Variants in TRPC1 observed in about 807,000 individuals in gnomAD.
TRPC1 encodes transient receptor potential cation channel subfamily C member 1, also known as short transient receptor potential channel 1.
Under a neutral mutation model 88.2 loss-of-function variants are expected in TRPC1, and 42 were observed. The ratio of observed to expected loss-of-function variants is 0.48; its 90% confidence interval spans 0.37 to 0.62. The LOEUF (loss-of-function observed/expected upper bound fraction) is 0.62, where lower values mean the gene tolerates loss of function less well. TRPC1 is among the 20% of genes least tolerant of loss of function. The pLI is 0.00. For missense variants in TRPC1, 699 were observed against 957.3 expected (o/e 0.73, Z 3.56); for synonymous variants, 288 against 331.8 (o/e 0.87, Z 1.43).
chr3:142,738,802 A>G (rs1934236492), intron 2 of TRPC1, among the ~76,000 whole-genome samples: 1 of 152,092 alleles, frequency 6.6e-6, no homozygotes, highest in Non-Finnish European at 1.5e-5. Context: ...GAAAGATTTC[A>G]TTGGAAAAGT....
chr3:142,726,710 C>G (rs71304147), intron 1 of TRPC1, among the ~76,000 whole-genome samples: 1 of 152,198 alleles, frequency 6.6e-6, no homozygotes, highest in Non-Finnish European at 1.5e-5. Context: ...TGTTTGTATT[C>G]GCTAATATTG....
At chr3:142,769,795 C>A (rs1396508450) in intron 4 of TRPC1, among the ~76,000 whole-genome samples, 1 of 152,012 alleles carries the variant, frequency 6.6e-6, no homozygotes, top group Non-Finnish European at 1.5e-5. Context: ...TATGGCATAG[C>A]ATATGGTCTA....
chr3:142,737,722 T>C (rs1254628713), intron 2 of TRPC1, among the ~76,000 whole-genome samples: 1 of 152,172 alleles, frequency 6.6e-6, no homozygotes, highest in Non-Finnish European at 1.5e-5. Context: ...ACACATGTGA[T>C]CTCTGAGGGA....
chr3:142,770,120 CAG>C, intron 4 of TRPC1, among the ~76,000 whole-genome samples: 1 of 103,996 alleles, frequency 9.6e-6, no homozygotes, highest in South Asian at 3.4e-4. Flanking sequence ...TTTTTTGAGA[CAG>C]AGTCTCACTC....
rs1356297025 is a variant in TRPC1 at position 142,802,352 on chromosome 3, T to C, written c.1757+8T>C. On this transcript the variant is annotated splice_region_variant and intron_variant, in intron 10 of 12. Coordinates refer to ENST00000476941, the MANE Select transcript of TRPC1 (RefSeq NM_001251845.2). ...CAATGATACCTTCCATTCGTGAGTA[T>C]CTTTTAAATGTTTTAGTAAATATAT... The C allele has an allele frequency of 7.2e-7, 1 of 1,384,610 alleles. No individual in the cohort carries two copies. Among genetic ancestry groups the C allele is most frequent in the Non-Finnish European group, 9.4e-7 (1 of 1,063,662 alleles). The allele number at this position is 1,384,610 out of a possible 1,614,324, so 85.8% of individuals were successfully genotyped here. A position where few individuals can be genotyped will look rare whatever the true frequency, so the allele number is the denominator to read the frequency against.
chr3:142,757,696 C>A (rs1365862074), intron 4 of TRPC1, among the ~76,000 whole-genome samples: 1 of 151,628 alleles, frequency 6.6e-6, no homozygotes, highest in African/African-American at 2.4e-5. Flanking sequence ...CTAATGCATG[C>A]GGGGCTTAAA....
intron 2 of TRPC1, among the ~76,000 whole-genome samples, chr3:142,736,821 T>C (rs559943034): frequency 1.3e-5 from 2 of 152,280 alleles, no homozygotes; most frequent in South Asian, 4.1e-4. Flanking sequence ...AAGATGACTT[T>C]GTTTTCATTA....
In TRPC1 at chr3:142,792,848, G is replaced by A; in HGVS notation, c.1462G>A (p.Asp488Asn). 2 of 1,598,452 alleles carry A rather than the reference G, an allele frequency of 1.3e-6. No individual in the cohort carries two copies. The highest frequency in any genetic ancestry group is 2.3e-5 in the East Asian group (1 of 43,726). ...GTTTCATGATTTTGCTGATCGGAAG[G>A]ATTGGGATGCATTCCATCCTACACT... ...NKFHDFADRK[D>N]WDAFHPTLVA... Residue 488 changes from aspartate to asparagine, a missense_variant, in exon 9 of 13, where the codon GAT becomes AAT. Asp to Asn is a conservative substitution (Grantham distance 23, BLOSUM62 1). This residue lies in a region of TRPC1 where 426 missense variants were observed against 641.3 expected (regional missense o/e 0.66). Transcript: ENST00000476941. This position sits in a 1 kb window ranked among gnomAD's most constrained non-coding sequence, Gnocchi z 4.0.
intron 6 of TRPC1, 151 bp from the exon 7 acceptor site, chr3:142,784,553 T>C (rs1318031674): frequency 1.6e-6 from 1 of 642,100 alleles, no homozygotes; most frequent in Non-Finnish European, 2.6e-6. Context: ...CATGCTTTTA[T>C]TGTTAGAAAA....
At chr3:142,729,297 T>G (rs940221436) in intron 1 of TRPC1, among the ~76,000 whole-genome samples, 1 of 152,204 alleles carries the variant, frequency 6.6e-6, no homozygotes, top group Non-Finnish European at 1.5e-5. Context: ...CAAACTATAC[T>G]TATCAAGCTG....
chr3:142,805,938 A>G (rs2108171316), intron 12 of TRPC1, 70 bp from the exon 13 acceptor site: 1 of 1,359,242 alleles, frequency 7.4e-7, no homozygotes, highest in East Asian at 2.3e-5. Context: ...GTCTGTGAAT[A>G]TATTTTTGAA....
At chr3:142,796,201 G>A (rs754435324) in intron 9 of TRPC1, among the ~76,000 whole-genome samples, 2 of 152,034 alleles carry the variant, frequency 1.3e-5, no homozygotes, top group Non-Finnish European at 2.9e-5. Flanking sequence ...CTGGGATTCC[G>A]CCTAGGTGGT....
rs993023859 is a variant in TRPC1 at position 142,794,292 on chromosome 3, G to C, written c.1581+1325G>C. 7.2e-5 allele frequency among the ~76,000 whole-genome samples: 11 copies of C among 152,012 alleles called. No individual in the cohort carries two copies. In the East Asian group the frequency reaches 1.7e-3, roughly 24 times the overall value. ...AACTGAAAATGGACGACAGAACTAG[G>C]TTTCTATACTGGAAATTTCTTTATG... On this transcript the variant is annotated intron_variant, in intron 9 of 12. Transcript: ENST00000476941.
chr3:142,796,969 T>C (rs1029045380), intron 9 of TRPC1, among the ~76,000 whole-genome samples: 1 of 152,130 alleles, frequency 6.6e-6, no homozygotes, highest in Non-Finnish European at 1.5e-5. Flanking sequence ...ATTGTCATAT[T>C]TGATAGGACC....
intron 4 of TRPC1, among the ~76,000 whole-genome samples, chr3:142,762,625 C>T (rs1427358962): frequency 6.6e-6 from 1 of 151,616 alleles, no homozygotes; most frequent in Non-Finnish European, 1.5e-5. Flanking sequence ...AATGGGGTTT[C>T]ACCATGTTGG....
chr3:142,782,979 G>C (rs1383266379), intron 6 of TRPC1, among the ~76,000 whole-genome samples: 1 of 152,124 alleles, frequency 6.6e-6, no homozygotes, highest in Non-Finnish European at 1.5e-5. Context: ...CCTACCTTCA[G>C]AAGTCACATA....
intron 2 of TRPC1, among the ~76,000 whole-genome samples, chr3:142,740,457 G>A (rs1336158575): frequency 2.0e-5 from 3 of 152,182 alleles, no homozygotes; most frequent in Non-Finnish European, 4.4e-5. Context: ...TAAGCTGTCA[G>A]GGCCATGGGA....
At position 142,777,672 on chromosome 3, in the gene TRPC1, C is replaced by G. The variant is rs1225925790; in HGVS notation, c.673C>G (p.Leu225Val). Reference protein sequence around the residue: ...DIYRCLASPALIMLTEEDPIL... With the variant: ...DIYRCLASPAVIMLTEEDPIL... The stretch of plus-strand genomic sequence containing the variant: ...ATATCGATGTTTGGCCAGTCCAGCT[C>G]TAATAATGTTAACAGAGGAGGATCC... Residue 225 changes from leucine to valine, a missense_variant, in exon 5 of 13, where the codon CTA becomes GTA. By Grantham distance (32) the Leu-to-Val change is conservative (BLOSUM62 1). Transcript: ENST00000476941. The G allele has an allele frequency of 4.3e-6, 7 of 1,612,528 alleles. No individual in the cohort carries two copies. The highest frequency in any genetic ancestry group is 2.7e-5 in the African/African-American group (2 of 74,868).
intron 4 of TRPC1, among the ~76,000 whole-genome samples, chr3:142,756,202 AT>A (rs1421734175): frequency 6.6e-6 from 1 of 152,182 alleles, no homozygotes; most frequent in East Asian, 1.9e-4. Context: ...GGCAGTGAAC[AT>A]TCACTTACAA....
Sources: allele counts gnomAD v4.1 joint callset (sites outside exome capture counted in the v4.1 genomes callset), GRCh38; gene constraint gnomAD v4.1.1; regional missense constraint gnomAD v4.1.1; non-coding constraint Gnocchi (gnomAD v3.1); transcripts MANE v1.5; gene names NCBI Gene and HGNC (gene_info 2026-07-23, HGNC 2026-07-21).